The following VAV3 variants were observed in gnomAD, a reference collection of about 807,000 sequenced individuals.
VAV3 encodes guanine nucleotide exchange factor VAV3.
Under a neutral mutation model 131.2 loss-of-function variants are expected in VAV3, and 94 were observed. The observed-to-expected ratio is 0.72, with a 90% CI of 0.61 to 0.85. The LOEUF (loss-of-function observed/expected upper bound fraction) is 0.85, where lower values mean the gene tolerates loss of function less well. Among genes scored for constraint, VAV3 ranks in the 40% least tolerant of loss-of-function variants. VAV3 has a pLI of 0.00. For synonymous variants in VAV3, 349 were observed against 342.0 expected (o/e 1.02, Z -0.22); for missense variants, 939 against 1,002.7 (o/e 0.94, Z 0.86).
At chr1:107,799,820 A>G (rs1464576331) in intron 2 of VAV3, among the ~76,000 whole-genome samples, 1 of 152,130 alleles carries the variant, frequency 6.6e-6, no homozygotes, top group African/African-American at 2.4e-5. Flanking sequence ...ATCTGTAGCC[A>G]TTAGCCAACT....
chr1:107,844,647 A>C (rs1198305740), intron 2 of VAV3, among the ~76,000 whole-genome samples: 2 of 152,124 alleles, frequency 1.3e-5, no homozygotes. Flanking sequence ...GGGAGGCTTG[A>C]GTAGGCAGTT....
Position 107,837,673 on chromosome 1 carries a change from C to T in VAV3, c.321+37228G>A, listed in dbSNP as rs1668534831. 2.6e-5 allele frequency among the ~76,000 whole-genome samples: 4 copies of T among 152,262 alleles called. No individual in the cohort carries two copies. The South Asian group carries it at 8.3e-4, about 32-fold the overall frequency. On this transcript the variant is annotated intron_variant, in intron 2 of 26. Coordinates refer to ENST00000370056, the MANE Select transcript of VAV3 (RefSeq NM_006113.5). ...CTACAGTAACCAAAACAGCATGGTACTGATACAAAAAGTGACACATAGACC... is the reference window on the plus strand; with the variant it reads ...CTACAGTAACCAAAACAGCATGGTATTGATACAAAAAGTGACACATAGACC...
intron 1 of VAV3, among the ~76,000 whole-genome samples, chr1:107,884,146 A>G (rs1234559711): frequency 6.6e-6 from 1 of 151,972 alleles, no homozygotes; most frequent in Non-Finnish European, 1.5e-5. Context: ...GTTTAAAAAA[A>G]AAAAAAAAGT....
intron 2 of VAV3, among the ~76,000 whole-genome samples, chr1:107,802,436 C>G (rs61797416): frequency 3.3e-5 from 5 of 151,822 alleles, no homozygotes; most frequent in Admixed American, 3.3e-4. Context: ...AGCAAAAAGG[C>G]CTTCAATTTT....
Position 107,749,138 on chromosome 1 carries a change from CAAG to C in VAV3, c.1393-64_1393-62del, listed in dbSNP as rs1419152315. 6 of 1,215,024 alleles carry C rather than the reference CAAG, an allele frequency of 4.9e-6. No individual in the cohort carries two copies. In the Admixed American group the frequency reaches 7.1e-5, roughly 14 times the overall value. 75.3% of individuals were successfully genotyped at this position (1,215,024 alleles called of 1,614,324 possible). A position where few individuals can be genotyped will look rare whatever the true frequency, so the allele number is the denominator to read the frequency against. On this transcript the variant is annotated intron_variant, in intron 14 of 26. Transcript: ENST00000370056. ...CATTAATAACATGTTTCTAAATTCA[CAAG>C]AATACCACAACTATCCAAAAACTCC...
chr1:107,914,708 C>T (rs752761286), intron 1 of VAV3, among the ~76,000 whole-genome samples: 4 of 152,202 alleles, frequency 2.6e-5, no homozygotes, highest in African/African-American at 4.8e-5. Flanking sequence ...ATTAAATTTA[C>T]TTCAAGCCTC....
At chr1:107,630,038 T>G (rs112865898) in intron 20 of VAV3, among the ~76,000 whole-genome samples, 13 of 152,274 alleles carry the variant, frequency 8.5e-5, no homozygotes, top group Non-Finnish European at 4.4e-5. Flanking sequence ...AAAGACATTT[T>G]TGAAATCAAA....
chr1:107,865,324 A>G (rs982981997), intron 2 of VAV3, among the ~76,000 whole-genome samples: 1 of 152,180 alleles, frequency 6.6e-6, no homozygotes, highest in Non-Finnish European at 1.5e-5. Context: ...CAGAAGACTC[A>G]ATATATCCAA....
chr1:107,928,681 G>C (rs1026741207), intron 1 of VAV3, among the ~76,000 whole-genome samples: 6 of 152,068 alleles, frequency 3.9e-5, no homozygotes, highest in Non-Finnish European at 2.9e-5. Context: ...TTGACAGCAG[G>C]CTAGCTGAAA....
At chr1:107,666,164 G>A (rs547988592) in intron 19 of VAV3, among the ~76,000 whole-genome samples, 2 of 152,106 alleles carry the variant, frequency 1.3e-5, no homozygotes, top group Non-Finnish European at 2.9e-5. Flanking sequence ...AGGATACTAA[G>A]ATGTGAACAG....
intron 19 of VAV3, among the ~76,000 whole-genome samples, chr1:107,668,260 C>T (rs751524944): frequency 1.3e-5 from 2 of 152,202 alleles, no homozygotes; most frequent in Non-Finnish European, 2.9e-5. Flanking sequence ...TTAATGAATG[C>T]ATTCCTACAA....
rs1011806255 is a variant in VAV3 at position 107,571,892 on chromosome 1, G to C, written c.*1439C>G. ...GGCACCCAGACGGATTGATGAGAGG[G>C]CAGGCTACACCTGCTTCATTTCAGA... On this transcript the variant is annotated 3_prime_UTR_variant, in exon 27 of 27. Coordinates refer to ENST00000370056, the MANE Select transcript of VAV3 (RefSeq NM_006113.5). 2 of 152,638 alleles carry C rather than the reference G, an allele frequency of 1.3e-5. No homozygotes were observed. The highest frequency in any genetic ancestry group is 2.9e-5 in the Non-Finnish European group (2 of 68,036). 9.5% of individuals were successfully genotyped at this position (152,638 alleles called of 1,614,324 possible).
intron 2 of VAV3, among the ~76,000 whole-genome samples, chr1:107,807,360 T>C (rs1220565882): frequency 2.6e-5 from 4 of 152,194 alleles, no homozygotes; most frequent in Non-Finnish European, 5.9e-5. Flanking sequence ...CCTTATATAG[T>C]AGAAAATGTT....
At position 107,572,623 on chromosome 1, in the gene VAV3, CCT is replaced by C. The variant is rs1400613658; in HGVS notation, c.*706_*707del. Reference sequence around the variant, plus strand: ...TTGTGAAGGTTTAATATGAAGACACCCTCTCTTTTGTGTGCTTTTTTCACCTT... The same window carrying C: ...TTGTGAAGGTTTAATATGAAGACACCCTCTTTTGTGTGCTTTTTTCACCTT... On this transcript the variant is annotated 3_prime_UTR_variant, in exon 27 of 27. Transcript: ENST00000370056. 1 of 152,480 alleles carries C rather than the reference CCT, an allele frequency of 6.6e-6. No individual in the cohort carries two copies. Among genetic ancestry groups the C allele is most frequent in the Non-Finnish European group, 1.5e-5 (1 of 68,008 alleles). 9.4% of individuals were successfully genotyped at this position (152,480 alleles called of 1,614,324 possible). A position where few individuals can be genotyped will look rare whatever the true frequency, so the allele number is the denominator to read the frequency against.
intron 7 of VAV3, among the ~76,000 whole-genome samples, chr1:107,768,167 A>C (rs1342614994): frequency 6.6e-6 from 1 of 152,088 alleles, no homozygotes; most frequent in Non-Finnish European, 1.5e-5. Context: ...ATTTGAGACT[A>C]CCTCTTCATG....
At chr1:107,667,962 T>C (rs1657528302) in intron 19 of VAV3, among the ~76,000 whole-genome samples, 1 of 152,120 alleles carries the variant, frequency 6.6e-6, no homozygotes. Flanking sequence ...ACTGGGCCCT[T>C]CCGAGAAGCT....
chr1:107,597,861 A>G lies in VAV3; in HGVS notation c.2221-1520T>C, dbSNP rs1029015224. Among the ~76,000 whole-genome samples, 4 of 152,198 alleles carry G rather than the reference A, an allele frequency of 2.6e-5. No individual in the cohort carries two copies. The South Asian group carries it at 8.3e-4, about 31-fold the overall frequency. ...GAAAAACTGTAACAGCTACCCCATT[A>G]TCCCATGTGCCAGGCCCTTTACATG... On this transcript the variant is annotated intron_variant, in intron 24 of 26. Transcript: ENST00000370056.
intron 19 of VAV3, among the ~76,000 whole-genome samples, chr1:107,654,213 T>C (rs149646554): frequency 2.2e-4 from 34 of 152,176 alleles, no homozygotes; most frequent in African/African-American, 8.2e-4. Flanking sequence ...CAGATTTCAA[T>C]ACTTAATGAA....
intron 1 of VAV3, among the ~76,000 whole-genome samples, chr1:107,925,892 C>CATACATGAT (rs1553231880): frequency 2.0e-4 from 10 of 49,246 alleles, no homozygotes; most frequent in Non-Finnish European, 4.3e-4. Context: ...AAATATATAA[C>CATACATGAT]ATATATGATA....
Sources: allele counts gnomAD v4.1 joint callset (sites outside exome capture counted in the v4.1 genomes callset), GRCh38; gene constraint gnomAD v4.1.1; transcripts MANE v1.5; gene names NCBI Gene and HGNC (gene_info 2026-07-23, HGNC 2026-07-21).